PSG9: variants seen among roughly 807,000 people sequenced by gnomAD.
PSG9 encodes the protein pregnancy specific beta-1-glycoprotein 9.
In PSG9, 49 loss-of-function variants were observed where a neutral mutation model predicts 41.9. That is an observed-to-expected ratio of 1.17 (90% CI 0.93 to 1.48). PSG9 has a LOEUF of 1.48. PSG9 is among the 40% of genes most tolerant of loss of function. PSG9 has a pLI of 0.00. For synonymous variants in PSG9, 263 were observed against 196.8 expected (o/e 1.34, Z -2.82); for missense variants, 641 against 520.3 (o/e 1.23, Z -2.26).
rs892929617 is a variant in PSG9 at position 43,267,938 on chromosome 19, C to T, written c.276G>A (p.Gly92=). The part of the protein sequence containing the change: ...YIVDGKIIIY[G]PAYSGRETVY... ...CTGTTTCTCTTCCACTGTATGCAGG[C>T]CCATATATAATTATTTTACCATCAA... The change falls in exon 2 of 6, where the codon GGG becomes GGA. Residue 92 remains glycine, a synonymous_variant. Coordinates refer to ENST00000270077, the MANE Select transcript of PSG9 (RefSeq NM_002784.5). The T allele has an allele frequency of 5.0e-6, 8 of 1,613,656 alleles. No individual in the cohort carries two copies. Among genetic ancestry groups the T allele is most frequent in the Non-Finnish European group, 6.8e-6 (8 of 1,179,736 alleles).
Position 43,258,169 on chromosome 19 carries a change from A to T in PSG9, c.1243+33T>A, listed in dbSNP as rs573555602. Reference sequence around the variant, plus strand: ...GAAAGCCAGATAGACTCCACATAAAACCCTACTGCCAAGGATGCTGGGATC... The same window carrying T: ...GAAAGCCAGATAGACTCCACATAAATCCCTACTGCCAAGGATGCTGGGATC... On this transcript the variant is annotated intron_variant, in intron 5 of 5. Coordinates refer to ENST00000270077, the MANE Select transcript of PSG9 (RefSeq NM_002784.5). 1.3e-5 allele frequency: 20 copies of T among 1,591,594 alleles called. 3 individuals are homozygous for T. The African/African-American group carries it at 2.6e-4, about 20-fold the overall frequency.
rs1058133 is a variant in PSG9 at position 43,253,574 on chromosome 19, G to A, written c.*35C>T. On this transcript the variant is annotated 3_prime_UTR_variant, in exon 6 of 6. Coordinates refer to ENST00000270077, the MANE Select transcript of PSG9 (RefSeq NM_002784.5). The stretch of plus-strand genomic sequence containing the variant: ...TGTCTTGAATTTCATGAAGGTATCA[G>A]CCTGTTCTTTTTCTCAGTGTCTCAG... 3 of 730,594 alleles carry A rather than the reference G, an allele frequency of 4.1e-6. 1 individual carries two copies. The South Asian group carries it at 4.6e-5, about 11-fold the overall frequency. The allele number at this position is 730,594 out of a possible 1,614,324, so 45.3% of individuals were successfully genotyped here. A position where few individuals can be genotyped will look rare whatever the true frequency, so the allele number is the denominator to read the frequency against.
intron 2 of PSG9, among the ~76,000 whole-genome samples, chr19:43,263,939 A>G (rs1176811919): frequency 6.6e-6 from 1 of 152,166 alleles, no homozygotes; most frequent in Admixed American, 6.5e-5. Flanking sequence ...TCTGTGCAGA[A>G]TTAGGAAAAA....
At chr19:43,268,602 A>C (rs1158873893) in intron 1 of PSG9, among the ~76,000 whole-genome samples, 1 of 152,076 alleles carries the variant, frequency 6.6e-6, no homozygotes, top group African/African-American at 2.4e-5. Context: ...ATCTCTTCGC[A>C]TGTCTGTCTT....
chr19:43,267,951 A>G lies in PSG9; in HGVS notation c.263T>C (p.Ile88Thr), dbSNP rs764003139. 2 of 1,613,474 alleles carry G rather than the reference A, an allele frequency of 1.2e-6. No individual in the cohort carries two copies. Among genetic ancestry groups the G allele is most frequent in the Non-Finnish European group, 1.7e-6 (2 of 1,179,686 alleles). ...ACTGTATGCAGGCCCATATATAATT[A>G]TTTTACCATCAACTATATACGATAT... ...YIISYIVDGKIIIYGPAYSGR... is the reference protein window; with the variant it reads ...YIISYIVDGKTIIYGPAYSGR... Residue 88 changes from isoleucine (I) to threonine (T), a missense_variant, in exon 2 of 6, where the codon ATA becomes ACA. Physicochemically the swap from Ile to Thr is moderately conservative, Grantham distance 89 (BLOSUM62 -1). Coordinates refer to ENST00000270077, the MANE Select transcript of PSG9 (RefSeq NM_002784.5).
At position 43,262,073 on chromosome 19, in the gene PSG9, G is replaced by C; in HGVS notation, c.496C>G (p.Arg166Gly). 1 of 1,613,940 alleles carries C rather than the reference G, an allele frequency of 6.2e-7. No individual in the cohort carries two copies. The highest frequency in any genetic ancestry group is 8.5e-7 in the Non-Finnish European group (1 of 1,179,892). ...LNPREAMEAVRLICDPETLDA... is the reference protein window; with the variant it reads ...LNPREAMEAVGLICDPETLDA... ...AGAGTCTCAGGATCACAGATTAAGCGCACAGCCTCCATGGCCTCCCTGGGG... is the reference window on the plus strand; with the variant it reads ...AGAGTCTCAGGATCACAGATTAAGCCCACAGCCTCCATGGCCTCCCTGGGG... Residue 166 changes from arginine (R) to glycine (G), a missense_variant, in exon 3 of 6, where the codon CGC becomes GGC. Transcript: ENST00000270077.
chr19:43,262,217 A>G, intron 2 of PSG9, 79 bp from the exon 3 acceptor site: 1 of 1,556,302 alleles, frequency 6.4e-7, no homozygotes, highest in South Asian at 1.2e-5. Flanking sequence ...CAGAGTTGGC[A>G]TTTCCCACCT....
Position 43,255,039 on chromosome 19 carries a change from C to T in PSG9, c.1244-1393G>A, listed in dbSNP as rs371289263. 4.3e-5 allele frequency among the ~76,000 whole-genome samples: 6 copies of T among 140,804 alleles called. No homozygotes were observed. In the South Asian group the frequency reaches 6.8e-4, roughly 16 times the overall value. 92.4% of individuals were successfully genotyped at this position (140,804 alleles called of 152,430 possible). On this transcript the variant is annotated intron_variant, in intron 5 of 5. Coordinates refer to ENST00000270077, the MANE Select transcript of PSG9 (RefSeq NM_002784.5). The stretch of plus-strand genomic sequence containing the variant: ...CCAGGAGGTTAAGGCTGCAGTGAGC[C>T]GTAATCACACCACTGTATTCCATCC...
intron 3 of PSG9, among the ~76,000 whole-genome samples, chr19:43,261,054 A>C (rs1168126185): frequency 2.0e-5 from 3 of 152,100 alleles, no homozygotes; most frequent in East Asian, 1.9e-4. Context: ...GTGAAGGGAC[A>C]GGCAAAAGCT....
chr19:43,258,730 T>A lies in PSG9; in HGVS notation c.988+127A>T, dbSNP rs191282001. The A allele has an allele frequency of 4.0e-4, 576 of 1,458,116 alleles. 91 individuals carry two copies. The African/African-American group carries it at 7.8e-3, about 20-fold the overall frequency. 90.3% of individuals were successfully genotyped at this position (1,458,116 alleles called of 1,614,324 possible). A position where few individuals can be genotyped will look rare whatever the true frequency, so the allele number is the denominator to read the frequency against. ...CAGGTTTTCCCAGGGCAGGGAGTCA[T>A]GGCCACCTCGGATGTCTAGAAGTAA... On this transcript the variant is annotated intron_variant, in intron 4 of 5. Coordinates refer to ENST00000270077, the MANE Select transcript of PSG9 (RefSeq NM_002784.5).
intron 5 of PSG9, among the ~76,000 whole-genome samples, chr19:43,254,477 CAG>C (rs1322392413): frequency 2.1e-5 from 3 of 146,298 alleles, no homozygotes; most frequent in African/African-American, 7.8e-5. Context: ...GGTAAGGAAT[CAG>C]AGGTTCAGAG....
intron 3 of PSG9, 39 bp downstream of exon 3, chr19:43,261,821 G>C (rs776538676): frequency 8.1e-6 from 13 of 1,613,932 alleles, no homozygotes; most frequent in African/African-American, 2.7e-5. Flanking sequence ...GTGTATTTGG[G>C]ATGGCAGCCT....
In PSG9 at chr19:43,267,991, G is replaced by C; in HGVS notation, c.223C>G (p.Leu75Val). 6.2e-7 allele frequency: 1 copy of C among 1,613,766 alleles called. No homozygotes were observed. The highest frequency in any genetic ancestry group is 8.5e-7 in the Non-Finnish European group (1 of 1,179,818). ...ATATACGATATAATGTAATGGTAGA[G>C]GTCCGTCATTTCCCCTTTGTACCAG... is the stretch of plus-strand genomic sequence containing the variant. The part of the protein sequence containing the change: ...YFWYKGEMTD[L>V]YHYIISYIVD... Residue 75 changes from leucine to valine, a missense_variant, in exon 2 of 6, where the codon CTC (leucine) becomes GTC (valine). Physicochemically the swap from Leu to Val is conservative, Grantham distance 32. Coordinates refer to ENST00000270077, the MANE Select transcript of PSG9 (RefSeq NM_002784.5).
chr19:43,268,940 C>A (rs13343383), intron 1 of PSG9, among the ~76,000 whole-genome samples: 2,380 of 149,792 alleles, frequency 0.016, 65 homozygotes, highest in African/African-American at 0.053. Flanking sequence ...TGACTTTCCT[C>A]TTTTGACCCC....
At position 43,269,463 on chromosome 19, in the gene PSG9, G is replaced by C; in HGVS notation, c.-32C>G. 6.2e-7 allele frequency: 1 copy of C among 1,612,500 alleles called. No individual in the cohort carries two copies. The highest frequency in any genetic ancestry group is 1.1e-5 in the South Asian group (1 of 91,008). ...TGCTGCCTGTGTGTTCTCCTCTGTG[G>C]AGATGAGCCTGGGATCCAGAAGCTG... On this transcript the variant is annotated 5_prime_UTR_variant, in exon 1 of 6. Transcript: ENST00000270077.
chr19:43,259,234 C>G (rs1968596480), intron 3 of PSG9, 99 bp from the exon 4 acceptor site: 1 of 1,506,550 alleles, frequency 6.6e-7, no homozygotes, highest in African/African-American at 1.5e-5. Flanking sequence ...TCTCAGCCCA[C>G]CCGAGTCCTT....
In PSG9 at chr19:43,253,530, A is replaced by G; in HGVS notation, c.*79T>C. The G allele has an allele frequency of 1.6e-6, 1 of 616,162 alleles. No homozygotes were observed. The highest frequency in any genetic ancestry group is 2.0e-5 in the African/African-American group (1 of 49,898). 38.2% of individuals were successfully genotyped at this position (616,162 alleles called of 1,614,324 possible). On this transcript the variant is annotated 3_prime_UTR_variant, in exon 6 of 6. Transcript: ENST00000270077. The stretch of plus-strand genomic sequence containing the variant: ...CCTTTTGATTATTTAGTCCAATAAC[A>G]TTGAGTTTTTTTCTTCTTTGTCTTG...
chr19:43,254,118 A>G lies in PSG9; in HGVS notation c.1244-472T>C, dbSNP rs60414158. 2.3e-3 allele frequency among the ~76,000 whole-genome samples: 332 copies of G among 145,686 alleles called. 52 individuals are homozygous for G. The highest frequency in any genetic ancestry group is 8.3e-3 in the African/African-American group (315 of 38,174). ...GTTACCTCTTTTTCCATATATATGG[A>G]AAAAGGTAGGTACTGTTGAGGTGCA... On this transcript the variant is annotated intron_variant, in intron 5 of 5. Coordinates refer to ENST00000270077, the MANE Select transcript of PSG9 (RefSeq NM_002784.5).
chr19:43,253,381 A>G lies in PSG9; in HGVS notation c.*228T>C, dbSNP rs1135858. On this transcript the variant is annotated 3_prime_UTR_variant, in exon 6 of 6. Coordinates refer to ENST00000270077, the MANE Select transcript of PSG9 (RefSeq NM_002784.5). ...ATTCAGATAGACAGCAAAAGCAAATATTTCAATTTTTGTTTACAAAAGTAT... is the reference window on the plus strand; with the variant it reads ...ATTCAGATAGACAGCAAAAGCAAATGTTTCAATTTTTGTTTACAAAAGTAT... 409 of 385,098 alleles carry G rather than the reference A, an allele frequency of 1.1e-3. 2 individuals carry two copies. Among genetic ancestry groups the G allele is most frequent in the Non-Finnish European group, 1.2e-3 (264 of 219,632 alleles). 23.9% of individuals were successfully genotyped at this position (385,098 alleles called of 1,614,324 possible). A position where few individuals can be genotyped will look rare whatever the true frequency, so the allele number is the denominator to read the frequency against.
Sources: allele counts gnomAD v4.1 joint callset (sites outside exome capture counted in the v4.1 genomes callset), GRCh38; gene constraint gnomAD v4.1.1; transcripts MANE v1.5; gene names NCBI Gene and HGNC (gene_info 2026-07-23, HGNC 2026-07-21).